BMPR2: variants seen among roughly 807,000 people sequenced by gnomAD.
BMPR2 encodes bone morphogenetic protein receptor type-2.
In BMPR2, 29 loss-of-function variants were observed where a neutral mutation model predicts 100.8. The ratio of observed to expected loss-of-function variants is 0.29; its 90% CI spans 0.21 to 0.39. The LOEUF is 0.39. Among genes scored for constraint, BMPR2 ranks in the 10% least tolerant of loss-of-function variants. The pLI is 1.00. For synonymous variants in BMPR2, 382 were observed against 442.3 expected, an observed-to-expected ratio of 0.86 and a Z score of 1.71; for missense variants, 1,011 against 1,274.5, an observed-to-expected ratio of 0.79 and a Z score of 3.15.
At chr2:202,549,828 A>C (rs552943477) in intron 10 of BMPR2, among the ~76,000 whole-genome samples, 1 of 152,188 alleles carries the variant, frequency 6.6e-6, no homozygotes, top group South Asian at 2.1e-4. Flanking sequence ...TCTGGCCAGC[A>C]GTGCATAAGA....
chr2:202,389,685 A>C (rs1389780180), intron 1 of BMPR2, among the ~76,000 whole-genome samples: 5 of 150,618 alleles, frequency 3.3e-5, no homozygotes, highest in Admixed American at 6.6e-5. Flanking sequence ...GCTCTTGTCC[A>C]GGCTGGAGTG....
rs1390373055 is a variant in BMPR2, at chr2:202,376,740, G to T, written c.-735G>T. 1.3e-5 allele frequency among the ~76,000 whole-genome samples: 2 copies of T among 150,524 alleles called. No individual in the cohort carries two copies. Among genetic ancestry groups the T allele is most frequent in the Non-Finnish European group, 3.0e-5 (2 of 67,648 alleles). On this transcript the variant is annotated 5_prime_UTR_variant, in exon 1 of 13. Coordinates refer to ENST00000374580, the MANE Select transcript of BMPR2 (RefSeq NM_001204.7). ...ACACCCACTCCGCCTGCCGTCTCGG[G>T]GAGCCCGGACCGGGGCCGCGACCGC...
chr2:202,432,871 G>A (rs1025658338), intron 1 of BMPR2, among the ~76,000 whole-genome samples: 5 of 150,390 alleles, frequency 3.3e-5, no homozygotes, highest in Admixed American at 6.6e-5. Flanking sequence ...TTTTGTTGTC[G>A]TTGTTGTTAA....
chr2:202,377,378 G>C lies in BMPR2; in HGVS notation c.-97G>C. The C allele has an allele frequency of 8.5e-7, 1 of 1,174,214 alleles. No homozygotes were observed. The highest frequency in any genetic ancestry group is 1.2e-5 in the South Asian group (1 of 82,266). 72.7% of individuals were successfully genotyped at this position (1,174,214 alleles called of 1,614,324 possible). A position where few individuals can be genotyped will look rare whatever the true frequency, so the allele number is the denominator to read the frequency against. On this transcript the variant is annotated 5_prime_UTR_variant, in exon 1 of 13. Transcript: ENST00000374580. ...CTGTATTGTGATACGGGCAGGATCA[G>C]TCCACGGGAGAGAAGACGAGCCTCC...
At chr2:202,531,427 C>T (rs1378934596) in intron 8 of BMPR2, among the ~76,000 whole-genome samples, 1 of 152,074 alleles carries the variant, frequency 6.6e-6, no homozygotes, top group Non-Finnish European at 1.5e-5. Flanking sequence ...ACTGCCATTC[C>T]AAGTCATTTT....
chr2:202,517,868 A>G lies in BMPR2; in HGVS notation c.622-954A>G, dbSNP rs1687742982. ...CACTCGGTCACCCAGTCTGGAGTGC[A>G]GTGGCGCGACCTCGGCTCACTGCAA... On this transcript the variant is annotated intron_variant, in intron 5 of 12. Transcript: ENST00000374580. Among the ~76,000 whole-genome samples, 5 of 145,600 alleles carry G rather than the reference A, an allele frequency of 3.4e-5. No homozygotes were observed. In the South Asian group the frequency reaches 1.1e-3, roughly 31 times the overall value.
intron 10 of BMPR2, among the ~76,000 whole-genome samples, chr2:202,543,584 CCTA>C (rs1175331250): frequency 6.6e-6 from 1 of 151,924 alleles, no homozygotes; most frequent in African/African-American, 2.4e-5. Context: ...ACTACCTCTC[CCTA>C]CTATCACTCT....
Position 202,464,871 on chromosome 2 carries a change from G to A in BMPR2, c.139G>A (p.Gly47Ser), listed in dbSNP as rs1692288347. 1.9e-6 allele frequency: 3 copies of A among 1,614,042 alleles called. No individual in the cohort carries two copies. The highest frequency in any genetic ancestry group is 2.2e-5 in the South Asian group (2 of 91,082). Reference sequence around the variant, plus strand: ...TCCGTATCAGCAAGACCTTGGGATAGGTGAGAGTAGAATCTCTCATGAAAA... The same window carrying A: ...TCCGTATCAGCAAGACCTTGGGATAAGTGAGAGTAGAATCTCTCATGAAAA... ...KDPYQQDLGIGESRISHENGT... is the reference protein window; with the variant it reads ...KDPYQQDLGISESRISHENGT... Residue 47 changes from glycine to serine, a missense_variant, in exon 2 of 13, where the codon GGT becomes AGT. Gly to Ser is a moderately conservative substitution (Grantham distance 56). Transcript: ENST00000374580.
At chr2:202,529,331 A>G (rs72926905) in intron 7 of BMPR2, among the ~76,000 whole-genome samples, 25,560 of 152,280 alleles carry the variant, frequency 0.17, 2,471 homozygotes, top group Middle Eastern at 0.24. Context: ...AAATTATTGT[A>G]TGTTCCACCC....
intron 3 of BMPR2, among the ~76,000 whole-genome samples, chr2:202,494,784 C>T (rs1692986830): frequency 6.6e-6 from 1 of 152,182 alleles, no homozygotes; most frequent in African/African-American, 2.4e-5. Context: ...CTCTTTTGCA[C>T]GTACACGTGA....
chr2:202,449,667 A>G (rs1163073336), intron 1 of BMPR2, among the ~76,000 whole-genome samples: 1 of 152,218 alleles, frequency 6.6e-6, no homozygotes, highest in East Asian at 1.9e-4. Context: ...TTTTGTCACA[A>G]TTCACTGCTA....
chr2:202,396,464 T>A (rs1690657912), intron 1 of BMPR2, among the ~76,000 whole-genome samples: 1 of 152,204 alleles, frequency 6.6e-6, no homozygotes, highest in Non-Finnish European at 1.5e-5. Flanking sequence ...AAGAGCTCAA[T>A]GATACTGTTT....
In BMPR2 at chr2:202,563,835, A is replaced by G. The variant is rs1476546605; in HGVS notation, c.*3889A>G. 1 of 152,242 alleles carries G rather than the reference A, an allele frequency of 6.6e-6. No homozygotes were observed. Among genetic ancestry groups the G allele is most frequent in the African/African-American group, 2.4e-5 (1 of 41,456 alleles). The allele number at this position is 152,242 out of a possible 1,614,324, so 9.4% of individuals were successfully genotyped here. On this transcript the variant is annotated 3_prime_UTR_variant, in exon 13 of 13. Transcript: ENST00000374580. ...AAACTTCTGCTTTTAATAACTTTAG[A>G]AAATTTACTAATCTATAGAACTAAT...
chr2:202,535,055 C>A (rs1303242849), intron 9 of BMPR2, among the ~76,000 whole-genome samples: 1 of 144,712 alleles, frequency 6.9e-6, no homozygotes, highest in South Asian at 2.2e-4. Context: ...CACCTCCCTC[C>A]CGGACAGGTC....
chr2:202,537,976 GA>G (rs1688194885), intron 9 of BMPR2, among the ~76,000 whole-genome samples: 1 of 151,906 alleles, frequency 6.6e-6, no homozygotes, highest in Non-Finnish European at 1.5e-5. Context: ...ACAAAAATTA[GA>G]CAGGTGCAGT....
In BMPR2 at chr2:202,517,976, C is replaced by CT. The variant is rs67110605; in HGVS notation, c.622-825dup. Among the ~76,000 whole-genome samples, 442 of 88,444 alleles carry CT rather than the reference C, an allele frequency of 5.0e-3. 4 individuals are homozygous for CT. The highest frequency in any genetic ancestry group is 0.015 in the Middle Eastern group (2 of 136). 58.0% of individuals were successfully genotyped at this position (88,444 alleles called of 152,430 possible). A position where few individuals can be genotyped will look rare whatever the true frequency, so the allele number is the denominator to read the frequency against. The stretch of plus-strand genomic sequence containing the variant: ...TACAGGCGCCCACCACCACGCCTGA[C>CT]TTTTTTTTTTTTTTTTTTTTTGTAT... On this transcript the variant is annotated intron_variant, in intron 5 of 12. Coordinates refer to ENST00000374580, the MANE Select transcript of BMPR2 (RefSeq NM_001204.7).
chr2:202,522,119 A>T (rs1185373736), intron 7 of BMPR2, among the ~76,000 whole-genome samples: 1 of 152,076 alleles, frequency 6.6e-6, no homozygotes. Context: ...TGTTCACCCC[A>T]CTGCACTCCA....
intron 11 of BMPR2, among the ~76,000 whole-genome samples, chr2:202,554,815 T>C (rs1688534414): frequency 6.6e-6 from 1 of 152,216 alleles, no homozygotes; most frequent in Non-Finnish European, 1.5e-5. Context: ...TGGAACTTAA[T>C]TGATAACATA....
At chr2:202,384,570 T>TTC (rs1323599422) in intron 1 of BMPR2, among the ~76,000 whole-genome samples, 197 of 10,800 alleles carry the variant, frequency 0.018, no homozygotes, top group African/African-American at 0.035. Context: ...CTTTCTTTCT[T>TTC]TTTCTTTCTT....
Sources: allele counts gnomAD v4.1 joint callset (sites outside exome capture counted in the v4.1 genomes callset), GRCh38; gene constraint gnomAD v4.1.1; transcripts MANE v1.5; gene names NCBI Gene and HGNC (gene_info 2026-07-23, HGNC 2026-07-21).